Variants in ARAP2 observed in about 807,000 individuals in gnomAD.
ARAP2 encodes ArfGAP with RhoGAP domain, ankyrin repeat and PH domain 2, also known as arf-GAP with Rho-GAP domain, ANK repeat and PH domain-containing protein 2.
ARAP2 carries 148 observed loss-of-function variants against 194.5 expected under a neutral mutation model. The ratio of observed to expected loss-of-function variants is 0.76; its 90% CI spans 0.67 to 0.87. The LOEUF is 0.87. Among genes scored for constraint, ARAP2 ranks in the 40% least tolerant of loss-of-function variants. The pLI is 0.00. For synonymous variants in ARAP2, 695 were observed against 683.5 expected (o/e 1.02, Z -0.26); for missense variants, 2,128 against 1,989.7 (o/e 1.07, Z -1.32).
rs961987591 is a variant in ARAP2, at chr4:36,128,565, T to C, written c.3608A>G (p.Lys1203Arg). The C allele has an allele frequency of 6.2e-7, 1 of 1,612,244 alleles. No homozygotes were observed. Among genetic ancestry groups the C allele is most frequent in the Non-Finnish European group, 8.5e-7 (1 of 1,179,320 alleles). The change falls in exon 21 of 33, where the codon AAG (lysine) becomes AGG (arginine). Residue 1203 changes from lysine (K) to arginine (R), a missense_variant. Transcript: ENST00000303965. ...AGAGATCCAATATGGGTAGAGCTCC[T>C]TAGTAAGCAGTGCATCATCAATGTC... ...LSDIDDALLT[K>R]ELYPYWISAL...
At chr4:36,036,973 T>C (rs1292766070) in intron 5 of ARAP2, among the ~76,000 whole-genome samples, 1 of 152,118 alleles carries the variant, frequency 6.6e-6, no homozygotes, top group Non-Finnish European at 1.5e-5. Flanking sequence ...TGATAACCCA[T>C]TGGATTATAA....
chr4:36,018,305 G>A (rs1716249088), intron 6 of ARAP2, among the ~76,000 whole-genome samples: 1 of 152,060 alleles, frequency 6.6e-6, no homozygotes. Flanking sequence ...AATATTCTAT[G>A]AGAAATTGTC....
chr4:36,073,959 G>T, intron 31 of ARAP2, 136 bp from the exon 32 acceptor site: 1 of 1,137,576 alleles, frequency 8.8e-7, no homozygotes, highest in Non-Finnish European at 1.2e-6. Context: ...TTGTGATTAT[G>T]ATGTTGACTC....
At chr4:36,104,657 C>G (rs1717902781) in intron 27 of ARAP2, among the ~76,000 whole-genome samples, 1 of 151,916 alleles carries the variant, frequency 6.6e-6, no homozygotes, top group African/African-American at 2.4e-5. Context: ...CTTAAAAGGG[C>G]AAGCTTCAAT....
At chr4:36,142,661 T>C (rs141598278) in intron 19 of ARAP2, among the ~76,000 whole-genome samples, 2 of 151,570 alleles carry the variant, frequency 1.3e-5, no homozygotes, top group Admixed American at 6.6e-5. Flanking sequence ...TCCTGGGCTT[T>C]GTAACACTTT....
intron 6 of ARAP2, among the ~76,000 whole-genome samples, chr4:36,205,269 C>G (rs1578268502): frequency 6.6e-6 from 1 of 151,730 alleles, no homozygotes; most frequent in African/African-American, 2.4e-5. Flanking sequence ...CATGGTGGTA[C>G]ATCAATAGCT....
At chr4:36,090,703 A>G (rs1038835203) in intron 28 of ARAP2, among the ~76,000 whole-genome samples, 1 of 152,144 alleles carries the variant, frequency 6.6e-6, no homozygotes, top group Non-Finnish European at 1.5e-5. Context: ...AGTGGGAGCT[A>G]AATGATGAGA....
chr4:36,239,930 G>C (rs540704717), intron 1 of ARAP2, among the ~76,000 whole-genome samples: 1 of 152,204 alleles, frequency 6.6e-6, no homozygotes, highest in African/African-American at 2.4e-5. Context: ...CCACATTCGT[G>C]AGGCTTCCCT....
chr4:36,067,983 A>T lies in ARAP2; in HGVS notation c.5039T>A (p.Ile1680Asn), dbSNP rs1725874450. 3.1e-6 allele frequency: 5 copies of T among 1,614,106 alleles called. No homozygotes were observed. The highest frequency in any genetic ancestry group is 1.6e-4 in the Middle Eastern group (1 of 6,062). Residue 1680 changes from isoleucine to asparagine, a missense_variant, in exon 33 of 33, where the codon ATT becomes AAT. Physicochemically the swap from Ile to Asn is moderately radical, Grantham distance 149. Coordinates refer to ENST00000303965, the MANE Select transcript of ARAP2 (RefSeq NM_015230.4). ...TTGTAGAACCACATTAAGTTCTTCA[A>T]TTACCCTTGATGGTAACTTATGATC... ...DSDHKLPSRV[I>N]EELNVVLQRS...
At chr4:36,131,056 G>A (rs555528560) in intron 20 of ARAP2, among the ~76,000 whole-genome samples, 2 of 151,874 alleles carry the variant, frequency 1.3e-5, no homozygotes, top group African/African-American at 4.8e-5. Context: ...GACACAATGA[G>A]CACAGAAAAT....
intron 7 of ARAP2, among the ~76,000 whole-genome samples, chr4:36,190,210 C>A (rs1741567925): frequency 6.6e-6 from 1 of 152,224 alleles, no homozygotes; most frequent in Non-Finnish European, 1.5e-5. Flanking sequence ...GAAAGCCTTT[C>A]TGACCAGCAC....
At chr4:36,187,798 T>A (rs1464403227) in intron 7 of ARAP2, among the ~76,000 whole-genome samples, 10 of 152,202 alleles carry the variant, frequency 6.6e-5, no homozygotes, top group Non-Finnish European at 4.4e-5. Context: ...TTTCTCTTCA[T>A]CTGGAATTAA....
At chr4:36,099,087 T>A (rs1029153872) in intron 27 of ARAP2, among the ~76,000 whole-genome samples, 4 of 151,646 alleles carry the variant, frequency 2.6e-5, no homozygotes, top group Non-Finnish European at 4.4e-5. Context: ...TGTGTGTTGT[T>A]CCCCCACCCC....
intron 31 of ARAP2, 46 bp downstream of exon 31, chr4:36,080,170 A>C (rs185227528): frequency 3.6e-5 from 55 of 1,514,676 alleles, no homozygotes; most frequent in Admixed American, 1.6e-4. Flanking sequence ...ATTTCCTGTA[A>C]ACAAAGTTAT....
At position 36,067,956 on chromosome 4, in the gene ARAP2, C is replaced by G. The variant is rs145069415; in HGVS notation, c.5066G>C (p.Arg1689Pro). The G allele has an allele frequency of 8.1e-6, 13 of 1,611,966 alleles. No individual in the cohort carries two copies. Among genetic ancestry groups the G allele is most frequent in the Admixed American group, 1.7e-5 (1 of 59,734 alleles). ...TAATTCTTTTGGAAGGGTTCTTGAC[C>G]GTTGTAGAACCACATTAAGTTCTTC... ...VIEELNVVLQRSRTLPKELQD... is the reference protein window; with the variant it reads ...VIEELNVVLQPSRTLPKELQD... Residue 1689 changes from arginine (R) to proline (P), a missense_variant, in exon 33 of 33, where the codon CGG becomes CCG. Arg to Pro is a moderately radical substitution (Grantham distance 103). Coordinates refer to ENST00000303965, the MANE Select transcript of ARAP2 (RefSeq NM_015230.4).
intron 2 of ARAP2, among the ~76,000 whole-genome samples, chr4:36,225,687 G>T (rs1256273202): frequency 6.6e-6 from 1 of 152,130 alleles, no homozygotes; most frequent in Non-Finnish European, 1.5e-5. Context: ...AGAGGAAGGA[G>T]GCAGGAGGGC....
intron 6 of ARAP2, among the ~76,000 whole-genome samples, chr4:36,017,745 C>A (rs1009658038): frequency 1.3e-5 from 2 of 151,776 alleles, no homozygotes; most frequent in African/African-American, 4.8e-5. Flanking sequence ...AGGGTTCATA[C>A]CAAAACCTTG....
chr4:36,163,966 C>T (rs766408840), intron 11 of ARAP2, among the ~76,000 whole-genome samples: 15 of 152,184 alleles, frequency 9.9e-5, no homozygotes, highest in East Asian at 7.7e-4. Context: ...TCTAGAAAAG[C>T]GTTCAGGATT....
chr4:36,127,768 T>C (rs1039469030), intron 21 of ARAP2, among the ~76,000 whole-genome samples: 96 of 151,854 alleles, frequency 6.3e-4, no homozygotes, highest in African/African-American at 2.2e-3. Context: ...TTATGATTTA[T>C]TAATAAAAAT....
Sources: gnomAD v4.1 joint callset for allele counts (sites outside exome capture counted in the v4.1 genomes callset) on GRCh38, gnomAD v4.1.1 for gene constraint, MANE v1.5 for transcripts, NCBI Gene and HGNC (gene_info 2026-07-23, HGNC 2026-07-21) for gene names.